MSRA: variants seen among roughly 807,000 people sequenced by gnomAD.
MSRA encodes mitochondrial peptide methionine sulfoxide reductase.
MSRA carries 54 observed loss-of-function variants against 31.3 expected under a neutral mutation model. The ratio of observed to expected loss-of-function variants is 1.73; its 90% confidence interval spans 1.39 to 2.17. MSRA has a LOEUF of 2.17. Among genes scored for constraint, MSRA ranks in the 30% most tolerant of loss-of-function variants. The probability of loss-of-function intolerance (pLI) is 0.00; values close to 1 mark genes in which losing one functional copy is unlikely to be tolerated. For synonymous variants in MSRA, 169 were observed against 116.5 expected (o/e 1.45, Z -2.90); for missense variants, 507 against 300.9 (o/e 1.69, Z -5.07).
intron 1 of MSRA, among the ~76,000 whole-genome samples, chr8:10,162,668 G>A (rs1240079288): frequency 2.6e-5 from 4 of 152,148 alleles, no homozygotes; most frequent in Non-Finnish European, 5.9e-5. Context: ...TAGTGCCCAC[G>A]ATTTCTTAAG....
rs1180683825 is a variant in MSRA at position 10,319,872 on chromosome 8, T to C, written c.437-11T>C. On this transcript the variant is annotated splice_polypyrimidine_tract_variant and intron_variant, in intron 4 of 5. Transcript: ENST00000317173. ...TGACCGGGTAACCCTCCCTGTTTTC[T>C]GCTTTCCTAGGTATGCGCCAGGGGA... The C allele has an allele frequency of 2.0e-6, 3 of 1,502,522 alleles. No homozygotes were observed. The highest frequency in any genetic ancestry group is 2.8e-5 in the African/African-American group (2 of 71,304). The allele number at this position is 1,502,522 out of a possible 1,614,324, so 93.1% of individuals were successfully genotyped here.
intron 1 of MSRA, among the ~76,000 whole-genome samples, chr8:10,203,709 C>T (rs1808702218): frequency 6.6e-6 from 1 of 152,160 alleles, no homozygotes; most frequent in South Asian, 2.1e-4. Flanking sequence ...ACTTTTTGTC[C>T]TTATTTTAGA....
chr8:10,378,058 T>C (rs974615255), intron 5 of MSRA, among the ~76,000 whole-genome samples: 7 of 152,188 alleles, frequency 4.6e-5, no homozygotes, highest in Non-Finnish European at 8.8e-5. Flanking sequence ...CAGATGTCTT[T>C]ATCAGTGGCT....
chr8:10,170,518 G>T (rs890016856), intron 1 of MSRA, among the ~76,000 whole-genome samples: 1 of 152,150 alleles, frequency 6.6e-6, no homozygotes, highest in African/African-American at 2.4e-5. Context: ...CTCCATGTCT[G>T]TCAGTTCTGC....
intron 1 of MSRA, among the ~76,000 whole-genome samples, chr8:10,055,361 C>T (rs1802291488): frequency 6.6e-6 from 1 of 152,230 alleles, no homozygotes; most frequent in South Asian, 2.1e-4. Flanking sequence ...TGCTTCGATG[C>T]CATGTAATGG....
intron 1 of MSRA, among the ~76,000 whole-genome samples, chr8:10,076,588 T>G (rs1237937351): frequency 6.6e-6 from 1 of 152,154 alleles, no homozygotes; most frequent in East Asian, 1.9e-4. Context: ...GCAGGCAGTG[T>G]TGTTCCTGAT....
intron 4 of MSRA, among the ~76,000 whole-genome samples, chr8:10,302,861 G>A (rs1032938654): frequency 4.6e-5 from 7 of 152,216 alleles, no homozygotes; most frequent in East Asian, 3.9e-4. Context: ...GGAAAGAACC[G>A]GTAGGACAAG....
chr8:10,212,771 A>C (rs1021008880), intron 2 of MSRA, among the ~76,000 whole-genome samples: 3 of 152,192 alleles, frequency 2.0e-5, no homozygotes, highest in Non-Finnish European at 4.4e-5. Context: ...AGGTGGGGCT[A>C]TGTAGCCTTT....
intron 1 of MSRA, among the ~76,000 whole-genome samples, chr8:10,197,880 G>A (rs901095460): frequency 6.6e-6 from 1 of 152,176 alleles, no homozygotes; most frequent in Non-Finnish European, 1.5e-5. Flanking sequence ...AGCAAGCCAG[G>A]ATAGTTCAAG....
intron 1 of MSRA, among the ~76,000 whole-genome samples, chr8:10,192,208 T>C (rs1563201547): frequency 6.6e-6 from 1 of 152,186 alleles, no homozygotes; most frequent in East Asian, 1.9e-4. Flanking sequence ...TTGTGTTCTG[T>C]TTAGTAGCAG....
intron 1 of MSRA, among the ~76,000 whole-genome samples, chr8:10,171,496 CCT>C (rs930613486): frequency 1.2e-4 from 19 of 152,138 alleles, no homozygotes; most frequent in African/African-American, 4.6e-4. Flanking sequence ...GGGCCTTACA[CCT>C]TTGATGATAA....
At chr8:10,408,020 T>C (rs1330944153) in intron 5 of MSRA, among the ~76,000 whole-genome samples, 1 of 152,060 alleles carries the variant, frequency 6.6e-6, no homozygotes, top group East Asian at 1.9e-4. Context: ...TATTAAAAAA[T>C]TGACAAGCTT....
intron 1 of MSRA, among the ~76,000 whole-genome samples, chr8:10,192,871 A>G (rs80242300): frequency 6.9e-6 from 1 of 145,390 alleles, no homozygotes; most frequent in South Asian, 2.2e-4. Context: ...ATGTTCATGG[A>G]AAATGGTTTC....
chr8:10,367,280 C>G (rs1180490160), intron 5 of MSRA, among the ~76,000 whole-genome samples: 1 of 152,154 alleles, frequency 6.6e-6, no homozygotes. Context: ...GAAAGAGAGA[C>G]CACAGTCACA....
intron 1 of MSRA, among the ~76,000 whole-genome samples, chr8:10,128,870 T>A (rs188532417): frequency 6.6e-6 from 1 of 152,332 alleles, no homozygotes; most frequent in African/African-American, 2.4e-5. Context: ...ATCAAAAGCT[T>A]GTTATTATAT....
At chr8:10,176,104 A>G (rs1220004798) in intron 1 of MSRA, among the ~76,000 whole-genome samples, 1 of 152,244 alleles carries the variant, frequency 6.6e-6, no homozygotes, top group Non-Finnish European at 1.5e-5. Flanking sequence ...TAGATCTGTA[A>G]TAATGGAAAT....
intron 5 of MSRA, among the ~76,000 whole-genome samples, chr8:10,379,638 C>G (rs1805949098): frequency 6.6e-6 from 1 of 152,220 alleles, no homozygotes; most frequent in Non-Finnish European, 1.5e-5. Context: ...AGCACACCCT[C>G]TAGTGGTAGC....
chr8:10,354,309 A>G (rs779285500), intron 5 of MSRA, among the ~76,000 whole-genome samples: 20 of 152,210 alleles, frequency 1.3e-4, no homozygotes, highest in Non-Finnish European at 2.5e-4. Context: ...AATTGATGGA[A>G]TCCACATTGT....
At chr8:10,195,854 T>A (rs1457193071) in intron 1 of MSRA, among the ~76,000 whole-genome samples, 1 of 152,208 alleles carries the variant, frequency 6.6e-6, no homozygotes, top group East Asian at 1.9e-4. Context: ...AAGCCAGAAT[T>A]CGTTTTCACG....
Sources: gnomAD v4.1 joint callset for allele counts (sites outside exome capture counted in the v4.1 genomes callset) on GRCh38, gnomAD v4.1.1 for gene constraint, MANE v1.5 for transcripts, NCBI Gene and HGNC (gene_info 2026-07-23, HGNC 2026-07-21) for gene names.